The following SEMA6D variants were observed in gnomAD, a reference collection of about 807,000 sequenced individuals.
The protein encoded by SEMA6D is semaphorin-6D.
Under a neutral mutation model 106.6 loss-of-function variants are expected in SEMA6D, and 35 were observed. The observed-to-expected ratio is 0.33, with a 90% CI of 0.25 to 0.44. The LOEUF (loss-of-function observed/expected upper bound fraction) is 0.44. SEMA6D is among the 20% of genes least tolerant of loss of function. The pLI, the probability that SEMA6D is intolerant of heterozygous loss-of-function variation, is 1.00. For missense variants in SEMA6D, 1,185 were observed against 1,345.9 expected, an observed-to-expected ratio of 0.88 and a Z score of 1.87; for synonymous variants, 499 against 487.7, an observed-to-expected ratio of 1.02 and a Z score of -0.31.
chr15:47,652,608 C>A (rs2077713789), intron 4 of SEMA6D, among the ~76,000 whole-genome samples: 1 of 152,154 alleles, frequency 6.6e-6, no homozygotes. Flanking sequence ...GCCTTGGGGG[C>A]ATTATTTAGT....
At chr15:47,568,617 A>G (rs979904708) in intron 3 of SEMA6D, among the ~76,000 whole-genome samples, 1 of 152,150 alleles carries the variant, frequency 6.6e-6, no homozygotes, top group African/African-American at 2.4e-5. Context: ...ATATGATAAA[A>G]TGTTAATAAT....
chr15:47,707,937 T>C (rs959191588), intron 4 of SEMA6D, among the ~76,000 whole-genome samples: 4 of 152,192 alleles, frequency 2.6e-5, no homozygotes, highest in African/African-American at 9.6e-5. Flanking sequence ...ACTAAGAAAC[T>C]TGGAAAAATC....
chr15:47,767,084 C>A lies in SEMA6D; in HGVS notation c.1756C>A (p.Pro586Thr), dbSNP rs1304262074. The A allele has an allele frequency of 6.4e-7, 1 of 1,569,466 alleles. No homozygotes were observed. The highest frequency in any genetic ancestry group is 8.6e-7 in the Non-Finnish European group (1 of 1,156,164). ...ACCAGATTACAAAATATTTGGCGGT[C>A]CAACATCTGGTTAGTTTTTTTTAAT... ...TTPDYKIFGG[P>T]TSDMEVSSSS... The change falls in exon 17 of 19, where the codon CCA becomes ACA. Residue 586 changes from proline to threonine, a missense_variant. Physicochemically the swap from Pro to Thr is conservative, Grantham distance 38 (BLOSUM62 -1). This residue lies in a region of SEMA6D where 750 missense variants were observed against 783.5 expected (regional missense o/e 0.96). Coordinates refer to ENST00000536845, the MANE Select transcript of SEMA6D (RefSeq NM_001358351.3).
chr15:47,647,530 G>A (rs140634484), intron 4 of SEMA6D, among the ~76,000 whole-genome samples: 1,625 of 152,270 alleles, frequency 0.011, 17 homozygotes, highest in South Asian at 0.044. Flanking sequence ...CTTAACAGAC[G>A]TATTGATATT....
chr15:47,740,878 A>G (rs1411677595), intron 1 of SEMA6D, among the ~76,000 whole-genome samples: 1 of 152,182 alleles, frequency 6.6e-6, no homozygotes, highest in East Asian at 1.9e-4. Context: ...AAAGATAGGT[A>G]GGAGGAAGAG....
At chr15:47,713,480 G>A (rs1407644979), upstream of SEMA6D, among the ~76,000 whole-genome samples, 1 of 152,122 alleles carries the variant, frequency 6.6e-6, no homozygotes, top group Non-Finnish European at 1.5e-5. Context: ...TGCAGATGCC[G>A]AGATTTGGGT....
At chr15:47,424,453 A>G (rs2041268465) in intron 2 of SEMA6D, among the ~76,000 whole-genome samples, 1 of 152,146 alleles carries the variant, frequency 6.6e-6, no homozygotes, top group African/African-American at 2.4e-5. Flanking sequence ...TGAAATAAAC[A>G]TTTTGTCTAC....
chr15:47,352,130 A>C (rs542286112), intron 1 of SEMA6D, among the ~76,000 whole-genome samples: 2 of 152,324 alleles, frequency 1.3e-5, no homozygotes, highest in South Asian at 2.1e-4. Context: ...GAATAAAAGA[A>C]AAATTAATAT....
intron 4 of SEMA6D, among the ~76,000 whole-genome samples, chr15:47,616,046 A>C (rs2077000361): frequency 6.6e-6 from 1 of 152,154 alleles, no homozygotes; most frequent in African/African-American, 2.4e-5. Flanking sequence ...ACTTTGGGTC[A>C]CCTTTAATCC....
intron 1 of SEMA6D, among the ~76,000 whole-genome samples, chr15:47,286,108 T>C (rs913262548): frequency 6.6e-6 from 1 of 152,170 alleles, no homozygotes; most frequent in African/African-American, 2.4e-5. Flanking sequence ...GACTCTGGGT[T>C]GGACCTGTCT....
At chr15:47,471,258 A>C (rs1470649699) in intron 3 of SEMA6D, among the ~76,000 whole-genome samples, 1 of 152,128 alleles carries the variant, frequency 6.6e-6, no homozygotes, top group Admixed American at 6.5e-5. Flanking sequence ...GCACTGTCCT[A>C]GTCATTGTGT....
At chr15:47,217,411 A>T (rs1381255097) in intron 1 of SEMA6D, among the ~76,000 whole-genome samples, 3 of 152,178 alleles carry the variant, frequency 2.0e-5, no homozygotes, top group Non-Finnish European at 4.4e-5. Flanking sequence ...ACTGGAAAAC[A>T]AAACAGTTCC....
At chr15:47,302,235 A>G (rs571848329) in intron 1 of SEMA6D, among the ~76,000 whole-genome samples, 4 of 152,258 alleles carry the variant, frequency 2.6e-5, no homozygotes, top group Non-Finnish European at 4.4e-5. Flanking sequence ...TTAAGATCCT[A>G]TAGTCGTTTG....
chr15:47,596,387 C>T (rs1464919695), intron 3 of SEMA6D, among the ~76,000 whole-genome samples: 2 of 151,914 alleles, frequency 1.3e-5, no homozygotes, highest in African/African-American at 2.4e-5. Context: ...GAAGAAATTC[C>T]TATAAAAATT....
chr15:47,277,345 A>G (rs192629049), intron 1 of SEMA6D, among the ~76,000 whole-genome samples: 1 of 152,208 alleles, frequency 6.6e-6, no homozygotes, highest in African/African-American at 2.4e-5. Context: ...TGCTACATAG[A>G]AATCTTTCAT....
chr15:47,194,968 C>T (rs990994658), intron 1 of SEMA6D, among the ~76,000 whole-genome samples: 26 of 152,150 alleles, frequency 1.7e-4, no homozygotes, highest in African/African-American at 5.8e-4. Flanking sequence ...CAACCGGTGT[C>T]AGCACTTACC....
chr15:47,428,857 G>A (rs1316383870), intron 2 of SEMA6D, among the ~76,000 whole-genome samples: 2 of 151,840 alleles, frequency 1.3e-5, no homozygotes, highest in Non-Finnish European at 2.9e-5. Flanking sequence ...CAATACTCAG[G>A]TACTCAATAC....
At chr15:47,740,321 C>A (rs777956818) in intron 1 of SEMA6D, among the ~76,000 whole-genome samples, 3 of 151,988 alleles carry the variant, frequency 2.0e-5, no homozygotes, top group African/African-American at 4.8e-5. Flanking sequence ...GAGATCGAGA[C>A]CATCCTGACC....
At chr15:47,372,615 T>A (rs2039315118) in intron 1 of SEMA6D, among the ~76,000 whole-genome samples, 1 of 152,172 alleles carries the variant, frequency 6.6e-6, no homozygotes, top group South Asian at 2.1e-4. Flanking sequence ...TTTGGTACAC[T>A]CTTTCCCATG....
Sources: allele counts gnomAD v4.1 joint callset (sites outside exome capture counted in the v4.1 genomes callset), GRCh38; gene constraint gnomAD v4.1.1; regional missense constraint gnomAD v4.1.1; transcripts MANE v1.5; gene names NCBI Gene and HGNC (gene_info 2026-07-23, HGNC 2026-07-21).